Variants in CADM2 observed in about 807,000 individuals in gnomAD.
CADM2 encodes the protein immunoglobulin superfamily member 4D.
A neutral mutation model predicts 49.8 loss-of-function variants in CADM2; 12 were observed. The ratio of observed to expected loss-of-function variants is 0.24; its 90% CI spans 0.15 to 0.39. The LOEUF (loss-of-function observed/expected upper bound fraction) is 0.39. CADM2 is among the 10% of genes least tolerant of loss of function. The pLI, the probability that CADM2 is intolerant of heterozygous loss-of-function variation, is 1.00. For synonymous variants in CADM2, 214 were observed against 175.4 expected (o/e 1.22, Z -1.74); for missense variants, 378 against 492.3 (o/e 0.77, Z 2.20).
intron 1 of CADM2, among the ~76,000 whole-genome samples, chr3:85,695,589 TACACACAC>T (rs141317727): frequency 2.0e-5 from 3 of 149,234 alleles, no homozygotes; most frequent in East Asian, 1.9e-4. Flanking sequence ...TACGGGTACG[TACACACAC>T]ACACACACAC....
chr3:84,978,205 G>A (rs936640280), intron 1 of CADM2, among the ~76,000 whole-genome samples: 2 of 152,094 alleles, frequency 1.3e-5, no homozygotes, highest in South Asian at 2.1e-4. Context: ...TCTTGTTAAC[G>A]TGTATGTTTT....
At chr3:85,947,982 C>A (rs1305239987) in intron 7 of CADM2, among the ~76,000 whole-genome samples, 1 of 151,484 alleles carries the variant, frequency 6.6e-6, no homozygotes, top group Non-Finnish European at 1.5e-5. Flanking sequence ...AACCCTAAAC[C>A]AAACATGTCT....
chr3:85,881,316 TTAAAG>T (rs1355137559), intron 3 of CADM2, among the ~76,000 whole-genome samples: 11 of 152,126 alleles, frequency 7.2e-5, no homozygotes, highest in Non-Finnish European at 1.0e-4. Flanking sequence ...TAATTGCTTA[TTAAAG>T]TATTTTTATA....
At chr3:84,998,439 G>A (rs1420662763) in intron 1 of CADM2, among the ~76,000 whole-genome samples, 2 of 152,104 alleles carry the variant, frequency 1.3e-5, no homozygotes, top group Non-Finnish European at 2.9e-5. Flanking sequence ...CCCTTTTAAT[G>A]CCTGAAGTAC....
chr3:85,757,274 T>C (rs1340449831), intron 2 of CADM2, among the ~76,000 whole-genome samples: 4 of 152,148 alleles, frequency 2.6e-5, no homozygotes, highest in Admixed American at 2.0e-4. Flanking sequence ...CGCGTATTTG[T>C]TCATGCTTTA....
intron 3 of CADM2, among the ~76,000 whole-genome samples, chr3:85,854,082 A>T (rs1266167449): frequency 1.3e-5 from 2 of 151,904 alleles, no homozygotes; most frequent in Admixed American, 1.3e-4. Context: ...GTAAGACATG[A>T]TGTTATTTTA....
intron 1 of CADM2, among the ~76,000 whole-genome samples, chr3:85,006,893 T>A (rs1051123024): frequency 6.6e-6 from 1 of 152,162 alleles, no homozygotes; most frequent in South Asian, 2.1e-4. Context: ...GGCAAACTAA[T>A]TTCTCTTGCA....
chr3:85,863,394 G>A (rs1481853153), intron 3 of CADM2, among the ~76,000 whole-genome samples: 1 of 152,106 alleles, frequency 6.6e-6, no homozygotes, highest in Non-Finnish European at 1.5e-5. Flanking sequence ...AGGCCTTTAA[G>A]AGGTGACTGC....
intron 6 of CADM2, among the ~76,000 whole-genome samples, chr3:85,926,271 G>A (rs2108515239): frequency 6.6e-6 from 1 of 152,038 alleles, no homozygotes; most frequent in East Asian, 1.9e-4. Flanking sequence ...TTGGGGGCTG[G>A]TGTGGGGCTG....
chr3:85,074,418 T>C (rs564948302), intron 1 of CADM2, among the ~76,000 whole-genome samples: 2 of 152,254 alleles, frequency 1.3e-5, no homozygotes, highest in South Asian at 4.1e-4. Flanking sequence ...GAAAATCTTA[T>C]GTCTTGCCAA....
chr3:85,338,204 T>C (rs72903254), intron 1 of CADM2, among the ~76,000 whole-genome samples: 10,850 of 151,674 alleles, frequency 0.072, 737 homozygotes, highest in African/African-American at 0.18. Flanking sequence ...GCTGGTTACA[T>C]ATAAGCCTTT....
intron 1 of CADM2, among the ~76,000 whole-genome samples, chr3:85,651,086 A>G (rs1427534469): frequency 2.6e-5 from 4 of 151,868 alleles, no homozygotes; most frequent in Non-Finnish European, 5.9e-5. Context: ...AATTTATTTT[A>G]ATACATTTCC....
At chr3:85,053,190 A>G (rs1299979519) in intron 1 of CADM2, among the ~76,000 whole-genome samples, 2 of 152,060 alleles carry the variant, frequency 1.3e-5, no homozygotes, top group Non-Finnish European at 2.9e-5. Flanking sequence ...AGCTAAAGCA[A>G]AAGTTTGAAG....
chr3:85,347,582 TATATAC>T (rs1228550062), intron 1 of CADM2, among the ~76,000 whole-genome samples: 54 of 105,022 alleles, frequency 5.1e-4, no homozygotes, highest in African/African-American at 1.5e-3. Flanking sequence ...TATATATACA[TATATAC>T]ATATATATAC....
intron 6 of CADM2, among the ~76,000 whole-genome samples, chr3:85,933,989 G>A (rs556213654): frequency 5.9e-5 from 9 of 152,014 alleles, no homozygotes; most frequent in South Asian, 2.1e-4. Context: ...AAACATCCTC[G>A]CATTAACACT....
At chr3:85,473,349 C>T (rs191031443) in intron 1 of CADM2, among the ~76,000 whole-genome samples, 9 of 152,156 alleles carry the variant, frequency 5.9e-5, no homozygotes, top group Non-Finnish European at 8.8e-5. Context: ...TGCCTTTACT[C>T]TTGACAAGTA....
intron 1 of CADM2, among the ~76,000 whole-genome samples, chr3:85,248,319 A>G (rs529694696): frequency 5.3e-5 from 8 of 152,108 alleles, no homozygotes; most frequent in African/African-American, 1.9e-4. Context: ...CGGTCGCCCA[A>G]GCTGGAGTGA....
chr3:86,062,069 A>G (rs1377533475), intron 8 of CADM2, among the ~76,000 whole-genome samples: 1 of 152,058 alleles, frequency 6.6e-6, no homozygotes, highest in East Asian at 1.9e-4. Flanking sequence ...TATTTATACC[A>G]TTGATCCAGA....
intron 1 of CADM2, among the ~76,000 whole-genome samples, chr3:85,104,573 G>T (rs547792359): frequency 7.2e-5 from 11 of 152,122 alleles, no homozygotes; most frequent in Non-Finnish European, 1.5e-4. Context: ...GGAACCATAT[G>T]AACTTTAAAG....
Sources: allele counts gnomAD v4.1 joint callset (sites outside exome capture counted in the v4.1 genomes callset), GRCh38; gene constraint gnomAD v4.1.1; transcripts MANE v1.5; gene names NCBI Gene and HGNC (gene_info 2026-07-23, HGNC 2026-07-21).